LY9: variants seen among roughly 807,000 people sequenced by gnomAD.
The protein encoded by LY9 is T-lymphocyte surface antigen Ly-9.
A neutral mutation model predicts 64.6 loss-of-function variants in LY9; 59 were observed. That is an observed-to-expected ratio of 0.91 (90% CI 0.74 to 1.13). LY9 has a LOEUF of 1.13. Among genes scored for constraint, LY9 ranks in the 50% most tolerant of loss-of-function variants. LY9 has a pLI of 0.00. For missense variants in LY9, 789 were observed against 797.2 expected (o/e 0.99, Z 0.12); for synonymous variants, 281 against 308.5 (o/e 0.91, Z 0.93).
chr1:160,821,916 T>TA (rs1432906771), intron 7 of LY9, among the ~76,000 whole-genome samples: 2 of 152,218 alleles, frequency 1.3e-5, no homozygotes, highest in African/African-American at 2.4e-5. Context: ...GGAAAATACT[T>TA]AATCTTTACG....
chr1:160,824,103 C>CT, intron 8 of LY9, 78 bp from the exon 9 acceptor site: 1 of 1,563,170 alleles, frequency 6.4e-7, no homozygotes, highest in East Asian at 2.2e-5. Context: ...GGGGTATCCC[C>CT]TCTCCTCAAG....
At position 160,825,642 on chromosome 1, in the gene LY9, GCTCATGCCTGTAAT is replaced by G. The variant is rs1265311133; in HGVS notation, c.1899+1395_1899+1408del. Among the ~76,000 whole-genome samples the G allele has an allele frequency of 4.6e-5, 7 of 152,286 alleles. No homozygotes were observed. The East Asian group carries it at 1.2e-3, about 25-fold the overall frequency. ...AAAAAACTCTCGGCTGGGCGTGGTG[GCTCATGCCTGTAAT>G]CCCAGCACTTTGGGAGGCCGAGGCA... On this transcript the variant is annotated intron_variant, in intron 9 of 9. Transcript: ENST00000263285.
At chr1:160,824,979 CAA>C (rs60603957) in intron 9 of LY9, among the ~76,000 whole-genome samples, 49 of 59,414 alleles carry the variant, frequency 8.2e-4, no homozygotes, top group African/African-American at 2.0e-3. Context: ...GACTCCATCT[CAA>C]AAAAAAAAAA....
intron 7 of LY9, among the ~76,000 whole-genome samples, chr1:160,819,804 AAAAAC>A (rs1190350853): frequency 6.8e-6 from 1 of 147,230 alleles, no homozygotes; most frequent in East Asian, 2.0e-4. Flanking sequence ...AAAAAAAAAA[AAAAAC>A]AGAAAGAGAA....
chr1:160,817,557 T>G (rs1437982864), intron 5 of LY9, among the ~76,000 whole-genome samples: 1 of 152,188 alleles, frequency 6.6e-6, no homozygotes, highest in East Asian at 1.9e-4. Context: ...GAGTGGGAGC[T>G]AGAAAAGAAG....
chr1:160,819,203 G>A, intron 6 of LY9, 118 bp from the exon 7 acceptor site: 2 of 799,244 alleles, frequency 2.5e-6, no homozygotes, highest in Non-Finnish European at 4.4e-6. Flanking sequence ...CCTTCCTGAA[G>A]CCTTTTCCCT....
At chr1:160,797,238 CT>C (rs1380187222) in intron 1 of LY9, 1 of 985,430 alleles carries the variant, frequency 1.0e-6, no homozygotes, top group African/African-American at 1.7e-5. Context: ...TCCTTCTGTG[CT>C]CCCGCTTTCT....
At chr1:160,804,542 G>A (rs2101756756) in intron 2 of LY9, among the ~76,000 whole-genome samples, 1 of 152,262 alleles carries the variant, frequency 6.6e-6, no homozygotes, top group South Asian at 2.1e-4. Flanking sequence ...TTGGCCTGTA[G>A]TTTTCTTTTT....
intron 2 of LY9, chr1:160,812,292 A>G (rs759933629): frequency 2.0e-5 from 3 of 152,184 alleles, no homozygotes; most frequent in Non-Finnish European, 4.4e-5. Flanking sequence ...TAATGGCCCC[A>G]TTTTAACTTA....
chr1:160,813,600 G>A, intron 2 of LY9, 36 bp from the exon 3 acceptor site: 1 of 1,590,910 alleles, frequency 6.3e-7, no homozygotes, highest in Non-Finnish European at 8.6e-7. Flanking sequence ...GCTGGCAAAA[G>A]GATCTGAGCA....
chr1:160,808,089 C>T (rs1041170629), intron 2 of LY9, among the ~76,000 whole-genome samples: 1 of 152,156 alleles, frequency 6.6e-6, no homozygotes, highest in Admixed American at 6.5e-5. Flanking sequence ...CCCTCTCAGC[C>T]TCAGTCCTAG....
chr1:160,807,395 G>A (rs1335838552), intron 2 of LY9, among the ~76,000 whole-genome samples: 2 of 152,176 alleles, frequency 1.3e-5, no homozygotes, highest in Non-Finnish European at 2.9e-5. Flanking sequence ...AGAGGCTGTG[G>A]TGAAGTTGCG....
At chr1:160,824,135 G>T in intron 8 of LY9, 46 bp from the exon 9 acceptor site, 1 of 1,612,514 alleles carries the variant, frequency 6.2e-7, no homozygotes, top group Non-Finnish European at 8.5e-7. Flanking sequence ...AAACTGAAAA[G>T]CTCTCATGTG....
intron 3 of LY9, 74 bp downstream of exon 3, chr1:160,813,985 A>G (rs761317707): frequency 3.9e-5 from 58 of 1,487,268 alleles, no homozygotes; most frequent in Non-Finnish European, 4.7e-5. Context: ...AAACCCTAGG[A>G]TCCTGGTCAG....
chr1:160,802,525 G>A (rs1666600669), intron 2 of LY9: 1 of 985,530 alleles, frequency 1.0e-6, no homozygotes, highest in Non-Finnish European at 1.2e-6. Flanking sequence ...CCAACTCAGT[G>A]TTTGTCAGTG....
intron 6 of LY9, among the ~76,000 whole-genome samples, chr1:160,818,753 C>G (rs1425936666): frequency 6.6e-6 from 1 of 152,100 alleles, no homozygotes; most frequent in East Asian, 1.9e-4. Context: ...TGTACCACAA[C>G]ACAACAGCTG....
At position 160,796,213 on chromosome 1, in the gene LY9, A is replaced by G; in HGVS notation, c.26A>G (p.Asp9Gly). The change falls in exon 1 of 10, where the codon GAT becomes GGT. Residue 9 changes from aspartate to glycine, a missense_variant. Coordinates refer to ENST00000263285, the MANE Select transcript of LY9 (RefSeq NM_002348.4). ...ATGGTGGCACCAAAGAGTCACACAG[A>G]TGACTGGGCTCCTGGGCCTTTCTCC... MVAPKSHTDDWAPGPFSSK... is the reference protein window; with the variant it reads MVAPKSHTGDWAPGPFSSK... 1 of 1,614,134 alleles carries G rather than the reference A, an allele frequency of 6.2e-7. No individual in the cohort carries two copies. The highest frequency in any genetic ancestry group is 2.2e-5 in the East Asian group (1 of 44,882).
At chr1:160,806,751 C>T (rs6667581) in intron 2 of LY9, among the ~76,000 whole-genome samples, 56,115 of 152,112 alleles carry the variant, frequency 0.37, 11,391 homozygotes, top group Non-Finnish European at 0.47. Context: ...CCTCCTGTAT[C>T]TGGATGTCTA....
Position 160,814,645 on chromosome 1 carries a change from A to C in LY9, c.956A>C (p.Asp319Ala). 1 of 1,614,006 alleles carries C rather than the reference A, an allele frequency of 6.2e-7. No homozygotes were observed. The highest frequency in any genetic ancestry group is 8.5e-7 in the Non-Finnish European group (1 of 1,179,972). Residue 319 changes from aspartate (D) to alanine (A), a missense_variant, in exon 4 of 10, where the codon GAC (aspartate) becomes GCC (alanine). Physicochemically the swap from Asp to Ala is moderately radical, Grantham distance 126. Coordinates refer to ENST00000263285, the MANE Select transcript of LY9 (RefSeq NM_002348.4). ...AACAGGGTGTGGGTCTCCAGCCAGGACTGCTCCCTGAAGATCAGCCAGCTG... is the reference window on the plus strand; with the variant it reads ...AACAGGGTGTGGGTCTCCAGCCAGGCCTGCTCCCTGAAGATCAGCCAGCTG... ...YKNRVWVSSQ[D>A]CSLKISQLKI...
Sources: gnomAD v4.1 joint callset for allele counts (sites outside exome capture counted in the v4.1 genomes callset) on GRCh38, gnomAD v4.1.1 for gene constraint, MANE v1.5 for transcripts, NCBI Gene and HGNC (gene_info 2026-07-23, HGNC 2026-07-21) for gene names.